The following CIBAR1 variants were observed in gnomAD, a reference collection of about 807,000 sequenced individuals.
CIBAR1 encodes the protein CBY1 interacting BAR domain containing 1.
A neutral mutation model predicts 44.0 loss-of-function variants in CIBAR1; 25 were observed. That is an observed-to-expected ratio of 0.57 (90% CI 0.41 to 0.79). The LOEUF (loss-of-function observed/expected upper bound fraction) is 0.79, where lower values mean the gene tolerates loss of function less well. Among genes scored for constraint, CIBAR1 ranks in the 30% least tolerant of loss-of-function variants. The probability of loss-of-function intolerance (pLI) is 0.00; values close to 1 mark genes in which losing one functional copy is unlikely to be tolerated. For synonymous variants in CIBAR1, 115 were observed against 119.0 expected, an observed-to-expected ratio of 0.97 and a Z score of 0.22; for missense variants, 278 against 344.8, an observed-to-expected ratio of 0.81 and a Z score of 1.53.
intron 7 of CIBAR1, among the ~76,000 whole-genome samples, chr8:93,722,702 A>C (rs539950668): frequency 5.9e-4 from 86 of 146,804 alleles, no homozygotes; most frequent in African/African-American, 2.1e-3. Flanking sequence ...TCTATCTCAC[A>C]AAAAAAAAAA....
chr8:93,727,399 T>G (rs1811568441), intron 8 of CIBAR1, among the ~76,000 whole-genome samples: 1 of 152,220 alleles, frequency 6.6e-6, no homozygotes, highest in Non-Finnish European at 1.5e-5. Context: ...ACTTTTATAG[T>G]CCATATAAAG....
intron 8 of CIBAR1, chr8:93,727,089 C>A (rs1479677817): frequency 1.5e-6 from 1 of 650,780 alleles, no homozygotes; most frequent in Admixed American, 2.3e-5. Context: ...ACACATAAAG[C>A]AGTATGACTG....
At chr8:93,717,476 C>T (rs1292752555) in intron 6 of CIBAR1, among the ~76,000 whole-genome samples, 9 of 152,166 alleles carry the variant, frequency 5.9e-5, no homozygotes, top group Non-Finnish European at 8.8e-5. Flanking sequence ...TGTGAATCAT[C>T]GTTACAAGTC....
Position 93,729,396 on chromosome 8 carries a change from T to C in CIBAR1, c.*1099T>C, listed in dbSNP as rs767486737. The C allele has an allele frequency of 1.3e-5, 2 of 152,142 alleles. No homozygotes were observed. The highest frequency in any genetic ancestry group is 2.9e-5 in the Non-Finnish European group (2 of 67,996). 9.4% of individuals were successfully genotyped at this position (152,142 alleles called of 1,614,324 possible). On this transcript the variant is annotated 3_prime_UTR_variant, in exon 9 of 9. Coordinates refer to ENST00000518322, the MANE Select transcript of CIBAR1 (RefSeq NM_145269.5). ...TGATATTCTTAAGAAACTCAAGATA[T>C]CATTGGATATTTACTGCTTCCTCAC...
At chr8:93,709,009 T>C (rs1810713581) in intron 5 of CIBAR1, among the ~76,000 whole-genome samples, 1 of 152,210 alleles carries the variant, frequency 6.6e-6, no homozygotes, top group Non-Finnish European at 1.5e-5. Flanking sequence ...CCAGGTGCGG[T>C]GGCTTACACC....
rs765682288 is a variant in CIBAR1, at chr8:93,724,563, C to T, written c.658-1831C>T. The T allele has an allele frequency of 1.4e-5, 18 of 1,267,284 alleles. No individual in the cohort carries two copies. The East Asian group carries it at 1.7e-4, about 12-fold the overall frequency. 78.5% of individuals were successfully genotyped at this position (1,267,284 alleles called of 1,614,324 possible). On this transcript the variant is annotated intron_variant, in intron 7 of 8. Transcript: ENST00000518322. ...TGGTCTTGAACTCCTGGGGCTCAAG[C>T]GATCCGCCTGCGTTGGCCTCCCAAA...
At chr8:93,708,965 T>C (rs564658191) in intron 5 of CIBAR1, among the ~76,000 whole-genome samples, 1 of 152,296 alleles carries the variant, frequency 6.6e-6, no homozygotes, top group South Asian at 2.1e-4. Context: ...ACAATAGTCC[T>C]ATGAGATAAG....
At position 93,729,825 on chromosome 8, in the gene CIBAR1, C is replaced by G. The variant is rs1364928098; in HGVS notation, c.*1528C>G. 1 of 152,104 alleles carries G rather than the reference C, an allele frequency of 6.6e-6. No homozygotes were observed. The highest frequency in any genetic ancestry group is 2.1e-4 in the South Asian group (1 of 4,830). The allele number at this position is 152,104 out of a possible 1,614,324, so 9.4% of individuals were successfully genotyped here. A position where few individuals can be genotyped will look rare whatever the true frequency, so the allele number is the denominator to read the frequency against. The stretch of plus-strand genomic sequence containing the variant: ...TTCCTAGCTTCCACTACAACAACAA[C>G]AAAAAACAGGCAACCAATCCAACCA... On this transcript the variant is annotated 3_prime_UTR_variant, in exon 9 of 9. Coordinates refer to ENST00000518322, the MANE Select transcript of CIBAR1 (RefSeq NM_145269.5).
intron 1 of CIBAR1, 190 bp downstream of exon 1, chr8:93,700,863 G>T: frequency 2.3e-6 from 3 of 1,309,636 alleles, no homozygotes; most frequent in Non-Finnish European, 2.9e-6. Context: ...AGGAGCCCGG[G>T]GCCCGGCCGG....
chr8:93,703,636 C>A lies in CIBAR1; in HGVS notation c.278C>A (p.Ala93Asp). The A allele has an allele frequency of 1.3e-6, 2 of 1,546,556 alleles. No homozygotes were observed. Among genetic ancestry groups the A allele is most frequent in the Non-Finnish European group, 1.7e-6 (2 of 1,144,576 alleles). Residue 93 changes from alanine to aspartate, a missense_variant, in exon 3 of 9, where the codon GCC (alanine) becomes GAC (aspartate). By Grantham distance (126) the Ala-to-Asp change is moderately radical. Transcript: ENST00000518322. ...YRQAEVERLE[A>D]KVVEPLKTYG... ...TTTCAATAGGTTGAAAGACTTGAAG[C>A]CAAAGTAGTTGAACCCTTGAAAACT... is the stretch of plus-strand genomic sequence containing the variant.
rs781727927 is a variant in CIBAR1, at chr8:93,701,462, T to C, written c.261+4T>C. The C allele has an allele frequency of 3.7e-6, 6 of 1,610,600 alleles. No individual in the cohort carries two copies. The South Asian group carries it at 6.6e-5, about 18-fold the overall frequency. On this transcript the variant is annotated splice_donor_region_variant and intron_variant, in intron 2 of 8. Transcript: ENST00000518322. The stretch of plus-strand genomic sequence containing the variant: ...TCAGGATTATCGACAAGCAGAGGTA[T>C]GGAGTGAGATCACAGTGTCATTGTT...
In CIBAR1 at chr8:93,703,631, T is replaced by A; in HGVS notation, c.273T>A (p.Leu91=). 6.5e-7 allele frequency: 1 copy of A among 1,545,770 alleles called. No homozygotes were observed. Among genetic ancestry groups the A allele is most frequent in the Non-Finnish European group, 8.7e-7 (1 of 1,144,030 alleles). ...QDYRQAEVER[L]EAKVVEPLKT... ...ATAATTTTCAATAGGTTGAAAGACT[T>A]GAAGCCAAAGTAGTTGAACCCTTGA... Residue 91 remains leucine, a synonymous_variant, in exon 3 of 9, where the codon CTT becomes CTA. Transcript: ENST00000518322.
rs1038477489 is a variant in CIBAR1, at chr8:93,703,627, G to A, written c.269G>A (p.Arg90Lys). Residue 90 changes from arginine to lysine, a missense_variant, in exon 3 of 9, where the codon AGA becomes AAA. Arg to Lys is a conservative substitution (Grantham distance 26, BLOSUM62 2). Coordinates refer to ENST00000518322, the MANE Select transcript of CIBAR1 (RefSeq NM_145269.5). ...LQDYRQAEVE[R>K]LEAKVVEPLK... The stretch of plus-strand genomic sequence containing the variant: ...TTTAATAATTTTCAATAGGTTGAAA[G>A]ACTTGAAGCCAAAGTAGTTGAACCC... 1 of 1,541,724 alleles carries A rather than the reference G, an allele frequency of 6.5e-7. No homozygotes were observed. The highest frequency in any genetic ancestry group is 8.8e-7 in the Non-Finnish European group (1 of 1,141,186).
rs1215483324 is a variant in CIBAR1, at chr8:93,728,288, T to C, written c.861T>C (p.Phe287=). 1 of 1,581,088 alleles carries C rather than the reference T, an allele frequency of 6.3e-7. No homozygotes were observed. Among genetic ancestry groups the C allele is most frequent in the Non-Finnish European group, 8.6e-7 (1 of 1,166,988 alleles). The change falls in exon 9 of 9, where the codon TTT becomes TTC. Residue 287 remains phenylalanine, a synonymous_variant. Transcript: ENST00000518322. ...DELDVTEEEN[F]LK is the part of the protein sequence containing the mutation. Reference sequence around the variant, plus strand: ...TAGATGTTACAGAAGAAGAAAATTTTCTTAAGTAAACTACACATTTCCATT... The same window carrying C: ...TAGATGTTACAGAAGAAGAAAATTTCCTTAAGTAAACTACACATTTCCATT...
chr8:93,716,812 G>A (rs1811053499), intron 6 of CIBAR1, among the ~76,000 whole-genome samples: 1 of 152,180 alleles, frequency 6.6e-6, no homozygotes, highest in Non-Finnish European at 1.5e-5. Context: ...TGTTTTGCAT[G>A]TGGTACGACA....
At chr8:93,705,740 A>G (rs1810553227) in intron 4 of CIBAR1, among the ~76,000 whole-genome samples, 1 of 152,186 alleles carries the variant, frequency 6.6e-6, no homozygotes, top group South Asian at 2.1e-4. Context: ...TCATGAGGTC[A>G]GGAGTTCGAG....
chr8:93,722,186 T>C (rs1318570540), intron 7 of CIBAR1, among the ~76,000 whole-genome samples: 1 of 152,208 alleles, frequency 6.6e-6, no homozygotes, highest in Non-Finnish European at 1.5e-5. Context: ...ATGTAACTGA[T>C]ATATCAAACA....
In CIBAR1 at chr8:93,708,462, A is replaced by AT. The variant is rs542262080; in HGVS notation, c.438+452dup. Among the ~76,000 whole-genome samples, 73 of 152,250 alleles carry AT rather than the reference A, an allele frequency of 4.8e-4. 1 individual carries two copies. The highest frequency in any genetic ancestry group is 2.1e-3 in the South Asian group (10 of 4,822). ...AGAGTAACTTTGGAGCTAGTTTTTA[A>AT]TTTTTTATTTAATTTTAATTAGTTT... is the stretch of plus-strand genomic sequence containing the variant. On this transcript the variant is annotated intron_variant, in intron 5 of 8. Transcript: ENST00000518322.
At chr8:93,713,856 A>C (rs544218722) in intron 6 of CIBAR1, among the ~76,000 whole-genome samples, 1 of 152,186 alleles carries the variant, frequency 6.6e-6, no homozygotes, top group Non-Finnish European at 1.5e-5. Context: ...TCAATACCAC[A>C]CTGTCCTAAC....
Sources: allele counts gnomAD v4.1 joint callset (sites outside exome capture counted in the v4.1 genomes callset), GRCh38; gene constraint gnomAD v4.1.1; transcripts MANE v1.5; gene names NCBI Gene and HGNC (gene_info 2026-07-23, HGNC 2026-07-21).